PARPBP: variants seen among roughly 807,000 people sequenced by gnomAD.
The protein encoded by PARPBP is PCNA-interacting partner.
PARPBP carries 52 observed loss-of-function variants against 50.0 expected under a neutral mutation model. The ratio of observed to expected loss-of-function variants is 1.04; its 90% CI spans 0.83 to 1.31. The LOEUF is 1.31. Ranked by LOEUF, PARPBP falls within the 50% of genes most tolerant of loss-of-function variation. The pLI is 0.00. For synonymous variants in PARPBP, 244 were observed against 232.1 expected, an observed-to-expected ratio of 1.05 and a Z score of -0.47; for missense variants, 697 against 672.0, an observed-to-expected ratio of 1.04 and a Z score of -0.41.
intron 3 of PARPBP, among the ~76,000 whole-genome samples, chr12:102,152,877 T>C (rs1886393085): frequency 6.8e-6 from 1 of 147,646 alleles, no homozygotes; most frequent in Non-Finnish European, 1.5e-5. Context: ...AAGAAAAATA[T>C]TAGGTAAAGA....
rs370841804 is a variant in PARPBP at position 102,153,970 on chromosome 12, T to C, written c.489T>C (p.Asn163=). 7.1e-6 allele frequency: 11 copies of C among 1,546,708 alleles called. No individual in the cohort carries two copies. Among genetic ancestry groups the C allele is most frequent in the Non-Finnish European group, 9.8e-6 (11 of 1,119,402 alleles). ...TSPTSKYNRD[N]EKVQLLARKI... Reference sequence around the variant, plus strand: ...CAACAAGTAAATACAACCGTGATAATGAAAAGGTACTGATAAACTGTGAGT... The same window carrying C: ...CAACAAGTAAATACAACCGTGATAACGAAAAGGTACTGATAAACTGTGAGT... Residue 163 remains asparagine (N), a synonymous_variant, in exon 4 of 11, where the codon AAT becomes AAC. Transcript: ENST00000327680.
chr12:102,178,774 A>G lies in PARPBP; in HGVS notation c.1184+4A>G. The stretch of plus-strand genomic sequence containing the variant: ...CGTCTATTCTTACACTTTTTAGGTA[A>G]GTTATGTGGAAGTTATATGTGTTAT... On this transcript the variant is annotated splice_donor_region_variant and intron_variant, in intron 8 of 10. Transcript: ENST00000327680. The G allele has an allele frequency of 6.4e-7, 1 of 1,571,874 alleles. No homozygotes were observed. Among genetic ancestry groups the G allele is most frequent in the Non-Finnish European group, 8.7e-7 (1 of 1,153,658 alleles).
intron 4 of PARPBP, among the ~76,000 whole-genome samples, chr12:102,159,431 G>T (rs57199128): frequency 1.0e-3 from 157 of 152,288 alleles, no homozygotes; most frequent in African/African-American, 3.5e-3. Flanking sequence ...CCAGCTGGAA[G>T]TCAATGTAGC....
chr12:102,167,504 T>C (rs1387161166), intron 6 of PARPBP, among the ~76,000 whole-genome samples: 2 of 152,152 alleles, frequency 1.3e-5, no homozygotes, highest in Non-Finnish European at 2.9e-5. Context: ...TGAGGCCCTA[T>C]AGAGCTGATT....
chr12:102,124,052 T>G lies in PARPBP; in HGVS notation c.153+11T>G, dbSNP rs1437928722. On this transcript the variant is annotated intron_variant, in intron 2 of 10. Transcript: ENST00000327680. ...GAGAACAACAAACAGGTTGGTAAAC[T>G]ATATTTGGGTTAACTTGTTTTTTTA... is the stretch of plus-strand genomic sequence containing the variant. The G allele has an allele frequency of 6.5e-7, 1 of 1,527,440 alleles. No homozygotes were observed. Among genetic ancestry groups the G allele is most frequent in the Non-Finnish European group, 8.8e-7 (1 of 1,141,410 alleles). 94.6% of individuals were successfully genotyped at this position (1,527,440 alleles called of 1,614,324 possible). A position where few individuals can be genotyped will look rare whatever the true frequency, so the allele number is the denominator to read the frequency against.
Position 102,121,545 on chromosome 12 carries a change from CTTTT to C in PARPBP, c.-4+1282_-4+1285del, listed in dbSNP as rs35855638. Among the ~76,000 whole-genome samples the C allele has an allele frequency of 1.6e-4, 14 of 87,194 alleles. 1 individual carries two copies. In the South Asian group the frequency reaches 4.7e-3, roughly 29 times the overall value. The allele number at this position is 87,194 out of a possible 152,430, so 57.2% of individuals were successfully genotyped here. A position where few individuals can be genotyped will look rare whatever the true frequency, so the allele number is the denominator to read the frequency against. On this transcript the variant is annotated intron_variant, in intron 1 of 10. Coordinates refer to ENST00000327680, the MANE Select transcript of PARPBP (RefSeq NM_017915.5). ...GGTTTTCTGTCACCATAGTAATGCT[CTTTT>C]TTTTTTTTTTTTTTTTTTTTTTAAG...
chr12:102,189,324 A>G (rs1890589408), intron 9 of PARPBP, among the ~76,000 whole-genome samples: 1 of 152,202 alleles, frequency 6.6e-6, no homozygotes, highest in African/African-American at 2.4e-5. Context: ...CAGGGCATAG[A>G]CTGTAAAGCT....
intron 9 of PARPBP, among the ~76,000 whole-genome samples, chr12:102,183,123 A>G (rs1889994961): frequency 1.3e-5 from 2 of 152,180 alleles, no homozygotes; most frequent in East Asian, 1.9e-4. Context: ...TGCTGTCTTC[A>G]TATGAAACAT....
In PARPBP at chr12:102,195,992, A is replaced by G. The variant is rs1159338016; in HGVS notation, c.1441A>G (p.Ser481Gly). The G allele has an allele frequency of 6.2e-7, 1 of 1,606,918 alleles. No homozygotes were observed. The highest frequency in any genetic ancestry group is 8.5e-7 in the Non-Finnish European group (1 of 1,177,064). The change falls in exon 11 of 11, where the codon AGT becomes GGT. Residue 481 changes from serine to glycine, a missense_variant. Ser to Gly is a moderately conservative substitution (Grantham distance 56). Transcript: ENST00000327680. ...TGTTGGAAGATCAACAATTGGAACGAGTTTTGGAAATGTTCATCTGGACAG... is the reference window on the plus strand; with the variant it reads ...TGTTGGAAGATCAACAATTGGAACGGGTTTTGGAAATGTTCATCTGGACAG... Reference protein sequence around the residue: ...PSVGRSTIGTSFGNVHLDRSK... With the variant: ...PSVGRSTIGTGFGNVHLDRSK...
intron 4 of PARPBP, among the ~76,000 whole-genome samples, chr12:102,162,998 G>C (rs1189461897): frequency 1.3e-5 from 2 of 152,034 alleles, no homozygotes; most frequent in Non-Finnish European, 2.9e-5. Context: ...TACATTTATA[G>C]ACTTATGATC....
intron 2 of PARPBP, among the ~76,000 whole-genome samples, chr12:102,147,848 A>T (rs1002017069): frequency 5.3e-5 from 8 of 152,164 alleles, no homozygotes; most frequent in Admixed American, 3.9e-4. Context: ...TCGCCAAAAG[A>T]ACGAAAAGGA....
At chr12:102,171,602 C>G (rs572421000) in intron 6 of PARPBP, among the ~76,000 whole-genome samples, 3 of 152,206 alleles carry the variant, frequency 2.0e-5, no homozygotes, top group Admixed American at 1.3e-4. Context: ...CTTGGTGGCT[C>G]ACACCTGTAA....
chr12:102,126,180 GC>G (rs1438466603), intron 2 of PARPBP, among the ~76,000 whole-genome samples: 1 of 152,110 alleles, frequency 6.6e-6, no homozygotes, highest in Non-Finnish European at 1.5e-5. Flanking sequence ...TCCTGATTCA[GC>G]TTTCTACCTT....
intron 2 of PARPBP, among the ~76,000 whole-genome samples, chr12:102,139,722 C>G (rs972349933): frequency 1.3e-5 from 2 of 152,194 alleles, no homozygotes; most frequent in African/African-American, 2.4e-5. Context: ...AAGGCCTTTT[C>G]TGCATCTGTT....
At chr12:102,153,336 C>T (rs566636746) in intron 3 of PARPBP, among the ~76,000 whole-genome samples, 2 of 152,178 alleles carry the variant, frequency 1.3e-5, no homozygotes, top group East Asian at 3.9e-4. Flanking sequence ...GTGGCATGGC[C>T]AGCCTTGTGC....
intron 2 of PARPBP, among the ~76,000 whole-genome samples, chr12:102,126,374 T>TAG (rs1172362306): frequency 2.6e-5 from 4 of 152,342 alleles, no homozygotes; most frequent in Non-Finnish European, 5.9e-5. Flanking sequence ...ATAGACTATT[T>TAG]AGTCATGCTT....
chr12:102,175,754 A>C (rs1889210186), intron 7 of PARPBP, 88 bp downstream of exon 7: 1 of 766,876 alleles, frequency 1.3e-6, no homozygotes, highest in African/African-American at 1.8e-5. Flanking sequence ...TTGCTACTTA[A>C]GTCAGAAGAG....
chr12:102,180,990 A>G (rs1181229922), intron 8 of PARPBP, among the ~76,000 whole-genome samples: 3 of 152,184 alleles, frequency 2.0e-5, no homozygotes, highest in African/African-American at 4.8e-5. Context: ...TATTAAGCCA[A>G]AAGGGATTAA....
At chr12:102,130,886 G>C (rs1882751915) in intron 2 of PARPBP, among the ~76,000 whole-genome samples, 1 of 151,460 alleles carries the variant, frequency 6.6e-6, no homozygotes. Flanking sequence ...AAAAGAAGTG[G>C]GTAAAGGACA....
Sources: gnomAD v4.1 joint callset for allele counts (sites outside exome capture counted in the v4.1 genomes callset) on GRCh38, gnomAD v4.1.1 for gene constraint, MANE v1.5 for transcripts, NCBI Gene and HGNC (gene_info 2026-07-23, HGNC 2026-07-21) for gene names.